NOXA1: variants seen among roughly 807,000 people sequenced by gnomAD.
NOXA1 encodes NCF2-like protein.
A neutral mutation model predicts 64.8 loss-of-function variants in NOXA1; 56 were observed. The observed-to-expected ratio is 0.86, with a 90% CI of 0.70 to 1.08. The LOEUF (loss-of-function observed/expected upper bound fraction) is 1.08, where lower values mean the gene tolerates loss of function less well. NOXA1 is among the 50% of genes least tolerant of loss of function. The pLI, the probability that NOXA1 is intolerant of heterozygous loss-of-function variation, is 0.00. For synonymous variants in NOXA1, 295 were observed against 294.8 expected (o/e 1.00, Z -0.01); for missense variants, 668 against 658.5 (o/e 1.01, Z -0.16).
chr9:137,423,995 A>G (rs1402761145), intron 1 of NOXA1, among the ~76,000 whole-genome samples: 3 of 152,264 alleles, frequency 2.0e-5, no homozygotes, highest in Admixed American at 6.5e-5. Flanking sequence ...CTAAGGGGAA[A>G]GCGTTGCGCC....
intron 5 of NOXA1, among the ~76,000 whole-genome samples, chr9:137,430,430 GCCGA>G (rs1839062823): frequency 6.6e-6 from 1 of 152,246 alleles, no homozygotes; most frequent in Non-Finnish European, 1.5e-5. Flanking sequence ...CTGCGCCACG[GCCGA>G]CTCCTGGGCC....
rs898611390 is a variant in NOXA1 at position 137,428,212 on chromosome 9, G to A, written c.369+71G>A. 9 of 1,135,484 alleles carry A rather than the reference G, an allele frequency of 7.9e-6. No homozygotes were observed. The African/African-American group carries it at 1.2e-4, about 16-fold the overall frequency. 70.3% of individuals were successfully genotyped at this position (1,135,484 alleles called of 1,614,324 possible). On this transcript the variant is annotated intron_variant, in intron 3 of 13. Coordinates refer to ENST00000683555, the MANE Select transcript of NOXA1 (RefSeq NM_001256067.2). Reference sequence around the variant, plus strand: ...ACGGGCGGTGGCACTGTCACAGGAGGGCCCTGTGGACTGGGGAGCGCCTCT... The same window carrying A: ...ACGGGCGGTGGCACTGTCACAGGAGAGCCCTGTGGACTGGGGAGCGCCTCT...
chr9:137,431,450 G>C lies in NOXA1; in HGVS notation c.804+109G>C, dbSNP rs1332724904. ...TGAGGGTGGAGGGAGCAGCTCGCTG[G>C]GGGGTAGACGGGGCCGGGCTCACCC... On this transcript the variant is annotated intron_variant, in intron 8 of 13. Transcript: ENST00000683555. The surrounding 1 kb of genome is among the most constrained non-coding windows in gnomAD (Gnocchi z 5.6). The C allele has an allele frequency of 9.5e-6, 8 of 845,564 alleles. No homozygotes were observed. The highest frequency in any genetic ancestry group is 8.5e-5 in the Admixed American group (4 of 47,188). The allele number at this position is 845,564 out of a possible 1,614,324, so 52.4% of individuals were successfully genotyped here.
chr9:137,428,746 G>C (rs1838952013), intron 3 of NOXA1, 136 bp from the exon 4 acceptor site: 3 of 756,864 alleles, frequency 4.0e-6, no homozygotes, highest in African/African-American at 4.1e-5. Context: ...CTGGGTGGGG[G>C]GATGGGGGAG....
In NOXA1 at chr9:137,428,921, C is replaced by A. The variant is rs77546115; in HGVS notation, c.409C>A (p.Leu137Ile). The A allele has an allele frequency of 0.01, 16,438 of 1,594,666 alleles. 378 individuals carry two copies. The highest frequency in any genetic ancestry group is 0.076 in the Admixed American group (4,383 of 57,392). ...GGCGTCGGCACAGTGCCAGCTGGGG[C>A]TCTGGACAGAGGCGGCCAGCAGCCT... ...NVASAQCQLGLWTEAASSLRE... is the reference protein window; with the variant it reads ...NVASAQCQLGIWTEAASSLRE... The change falls in exon 4 of 14, where the codon CTC (leucine) becomes ATC (isoleucine). Residue 137 changes from leucine to isoleucine, a missense_variant. By Grantham distance (5) the Leu-to-Ile change is conservative. Transcript: ENST00000683555.
rs756452608 is a variant in NOXA1 at position 137,434,276 on chromosome 9, C to G, written c.1347C>G (p.Pro449=). The change falls in exon 14 of 14, where the codon CCC becomes CCG. Residue 449 remains proline, a synonymous_variant. Transcript: ENST00000683555. ...GTGACGGCCGCATCGGCATCTTCCC[C>G]AAGTGCTTCGTGGTCCCCGCCGGCC... ...GHCDGRIGIF[P]KCFVVPAGPR... 1.2e-6 allele frequency: 2 copies of G among 1,611,222 alleles called. No individual in the cohort carries two copies. Among genetic ancestry groups the G allele is most frequent in the East Asian group, 2.2e-5 (1 of 44,880 alleles).
Position 137,433,870 on chromosome 9 carries a change from C to A in NOXA1, c.1179+6C>A. ...GGCTGCAGCTGCAGTGCAGGGTGAGCCAAGGGCGAGGCAGGGGCAGGGGCA... is the reference window on the plus strand; with the variant it reads ...GGCTGCAGCTGCAGTGCAGGGTGAGACAAGGGCGAGGCAGGGGCAGGGGCA... On this transcript the variant is annotated splice_donor_region_variant and intron_variant, in intron 12 of 13. Transcript: ENST00000683555. The A allele has an allele frequency of 6.8e-7, 1 of 1,465,782 alleles. No homozygotes were observed. Among genetic ancestry groups the A allele is most frequent in the Non-Finnish European group, 9.0e-7 (1 of 1,107,118 alleles). 90.8% of individuals were successfully genotyped at this position (1,465,782 alleles called of 1,614,324 possible).
chr9:137,434,051 G>A lies in NOXA1; in HGVS notation c.1266G>A (p.Gln422=), dbSNP rs370687549. 2.8e-5 allele frequency: 44 copies of A among 1,576,786 alleles called. No individual in the cohort carries two copies. Among genetic ancestry groups the A allele is most frequent in the African/African-American group, 9.4e-5 (7 of 74,272 alleles). The change falls in exon 13 of 14, where the codon CAG becomes CAA. Residue 422 remains glutamine, a synonymous_variant. Coordinates refer to ENST00000683555, the MANE Select transcript of NOXA1 (RefSeq NM_001256067.2). ...AQGPEDLGFR[Q]GDTVDVLCEV... ...GGCCAGAGGACCTGGGCTTCCGACAGGGGGACACGGTGGACGTCCTGTGTG... is the reference window on the plus strand; with the variant it reads ...GGCCAGAGGACCTGGGCTTCCGACAAGGGGACACGGTGGACGTCCTGTGTG...
chr9:137,429,418 C>A, intron 5 of NOXA1, 35 bp downstream of exon 5: 1 of 1,443,388 alleles, frequency 6.9e-7, no homozygotes, highest in Admixed American at 2.0e-5. Context: ...GGCATGGCGG[C>A]TGGTGCTGAG....
In NOXA1 at chr9:137,431,024, G is replaced by A; in HGVS notation, c.673-51G>A. On this transcript the variant is annotated intron_variant, in intron 6 of 13. Coordinates refer to ENST00000683555, the MANE Select transcript of NOXA1 (RefSeq NM_001256067.2). This position sits in a 1 kb window ranked among gnomAD's most constrained non-coding sequence, Gnocchi z 5.6. ...ACTCTTCAAGGTTCAGGAGGAGGGA[G>A]GGCGGCCCCCGACCCTTAACCAGAG... 1 of 1,612,656 alleles carries A rather than the reference G, an allele frequency of 6.2e-7. No individual in the cohort carries two copies. Among genetic ancestry groups the A allele is most frequent in the East Asian group, 2.2e-5 (1 of 44,882 alleles).
intron 1 of NOXA1, 96 bp downstream of exon 1, chr9:137,423,802 C>CCG: frequency 9.7e-7 from 1 of 1,029,414 alleles, no homozygotes; most frequent in Non-Finnish European, 1.2e-6. Flanking sequence ...CGGGGTCGCC[C>CCG]TGCCGCCCCC....
chr9:137,425,920 A>T (rs1479557687), intron 1 of NOXA1, among the ~76,000 whole-genome samples: 1 of 150,952 alleles, frequency 6.6e-6, no homozygotes, highest in African/African-American at 2.4e-5. Context: ...GCATAACCCC[A>T]CTCCCCAGAG....
chr9:137,423,422 G>T lies in NOXA1; in HGVS notation c.-108G>T. On this transcript the variant is annotated 5_prime_UTR_variant, in exon 1 of 14. Transcript: ENST00000683555. ...GGGTTGCACCTGGCGCTTGGCGCCC[G>T]CACCTCTGCCCGCCTCGGAGACCCC... is the stretch of plus-strand genomic sequence containing the variant. 1.5e-6 allele frequency: 1 copy of T among 665,570 alleles called. No homozygotes were observed. The allele number at this position is 665,570 out of a possible 1,614,324, so 41.2% of individuals were successfully genotyped here. A position where few individuals can be genotyped will look rare whatever the true frequency, so the allele number is the denominator to read the frequency against.
chr9:137,433,168 G>T, intron 9 of NOXA1, 37 bp from the exon 10 acceptor site: 1 of 1,609,912 alleles, frequency 6.2e-7, no homozygotes, highest in Non-Finnish European at 8.5e-7. Context: ...GCCCACTTTG[G>T]TGGTAGTGGC....
In NOXA1 at chr9:137,433,461, T is replaced by G; in HGVS notation, c.918T>G (p.Gly306=). 6.2e-7 allele frequency: 1 copy of G among 1,600,960 alleles called. No individual in the cohort carries two copies. Among genetic ancestry groups the G allele is most frequent in the Non-Finnish European group, 8.5e-7 (1 of 1,177,786 alleles). ...CEDPAGAGGA[G]AGGSEPLVTV... ...CTCCTGCCTGGACCCAGGGAGCAGG[T>G]GCAGGGGGCTCCGAGCCCCTGGTGA... The change falls in exon 11 of 14, where the codon GGT becomes GGG. Residue 306 remains glycine (G), a synonymous_variant. Coordinates refer to ENST00000683555, the MANE Select transcript of NOXA1 (RefSeq NM_001256067.2).
At position 137,431,295 on chromosome 9, in the gene NOXA1, CAG is replaced by C; in HGVS notation, c.761_762del (p.Glu254GlyfsTer4). 2.5e-6 allele frequency: 4 copies of C among 1,612,402 alleles called. No individual in the cohort carries two copies. In the South Asian group the frequency reaches 3.3e-5, roughly 13 times the overall value. The stretch of plus-strand genomic sequence containing the variant: ...CACCAGGGCCCCCTCGATGCAGAGA[CAG>C]AGGTCGGTGCTGACCGCTGCACGTC... On this transcript the variant is annotated frameshift_variant, in exon 8 of 14. Coordinates refer to ENST00000683555, the MANE Select transcript of NOXA1 (RefSeq NM_001256067.2). LOFTEE classifies it high-confidence loss of function. The surrounding 1 kb of genome is among the most constrained non-coding windows in gnomAD (Gnocchi z 5.6).
chr9:137,430,192 A>G (rs9802418), intron 5 of NOXA1, among the ~76,000 whole-genome samples: 83,281 of 151,668 alleles, frequency 0.55, 23,062 homozygotes, highest in Admixed American at 0.66. Flanking sequence ...TCACGGGGGC[A>G]GGGGCTGCAG....
rs1839192645 is a variant in NOXA1 at position 137,433,204 on chromosome 9, G to A, written c.851-1G>A. 1.2e-6 allele frequency: 2 copies of A among 1,608,330 alleles called. No homozygotes were observed. Among genetic ancestry groups the A allele is most frequent in the Non-Finnish European group, 1.7e-6 (2 of 1,178,162 alleles). On this transcript the variant is annotated splice_acceptor_variant, in intron 9 of 13. Transcript: ENST00000683555. LOFTEE classifies it high-confidence loss of function. The stretch of plus-strand genomic sequence containing the variant: ...TGTGTCAGTCTTGCTCTGTCCTACA[G>A]GGCTGCCGGCAATGGGGGGGCCTGG...
chr9:137,433,926 A>G (rs1839240408), intron 12 of NOXA1, 39 bp from the exon 13 acceptor site: 2 of 1,515,132 alleles, frequency 1.3e-6, no homozygotes, highest in South Asian at 1.2e-5. Flanking sequence ...CCCTCCTCCC[A>G]GTGCCCGGCC....
Sources: allele counts gnomAD v4.1 joint callset (sites outside exome capture counted in the v4.1 genomes callset), GRCh38; gene constraint gnomAD v4.1.1; non-coding constraint Gnocchi (gnomAD v3.1); transcripts MANE v1.5; gene names NCBI Gene and HGNC (gene_info 2026-07-23, HGNC 2026-07-21).